Variants in MGAT5B observed in about 807,000 individuals in gnomAD.
MGAT5B encodes alpha-1,6-mannosylglycoprotein 6-beta-N-acetylglucosaminyltransferase B.
MGAT5B carries 54 observed loss-of-function variants against 95.1 expected under a neutral mutation model. That is an observed-to-expected ratio of 0.57 (90% CI 0.46 to 0.71). The LOEUF (loss-of-function observed/expected upper bound fraction) is 0.71. Among genes scored for constraint, MGAT5B ranks in the 30% least tolerant of loss-of-function variants. MGAT5B has a pLI of 0.00. For missense variants in MGAT5B, 935 were observed against 1,088.6 expected, an observed-to-expected ratio of 0.86 and a Z score of 1.99; for synonymous variants, 464 against 451.0, an observed-to-expected ratio of 1.03 and a Z score of -0.36.
chr17:76,887,120 A>G (rs537238668), intron 3 of MGAT5B, among the ~76,000 whole-genome samples: 77 of 152,268 alleles, frequency 5.1e-4, no homozygotes, highest in African/African-American at 1.6e-3. Flanking sequence ...GTAGCCCTGG[A>G]TGCTGCTGCT....
At chr17:76,941,329 C>T (rs1015428472) in intron 15 of MGAT5B, among the ~76,000 whole-genome samples, 9 of 152,224 alleles carry the variant, frequency 5.9e-5, no homozygotes, top group Non-Finnish European at 1.3e-4. Context: ...GGGTCTCCAG[C>T]GAACGTGGGT....
chr17:76,887,517 CCCTCCCTCCCTCCCTT>C (rs1327426331), intron 3 of MGAT5B, among the ~76,000 whole-genome samples: 5,108 of 77,512 alleles, frequency 0.066, 232 homozygotes, highest in African/African-American at 0.14. Flanking sequence ...CTCCCTCCCT[CCCTCCCTCCCTCCCTT>C]CCTTCCTTCC....
Position 76,948,994 on chromosome 17 carries a change from T to A in MGAT5B, c.*156T>A. On this transcript the variant is annotated 3_prime_UTR_variant, in exon 18 of 18. Transcript: ENST00000569840. ...CCGGGAAGCTGGCAGAGGAGAGCCG[T>A]GCCCGGGAATAGGAGGAGGCAGCAT... The A allele has an allele frequency of 1.1e-6, 1 of 870,934 alleles. No individual in the cohort carries two copies. Among genetic ancestry groups the A allele is most frequent in the Non-Finnish European group, 1.7e-6 (1 of 583,074 alleles). The allele number at this position is 870,934 out of a possible 1,614,324, so 54.0% of individuals were successfully genotyped here. A position where few individuals can be genotyped will look rare whatever the true frequency, so the allele number is the denominator to read the frequency against.
chr17:76,905,949 G>A lies in MGAT5B; in HGVS notation c.856-69G>A. ...CTGCTGCCGGCTGGTCTCCTGGCCG[G>A]TGCCCCGGGGGGGCGGGGCTCAGAG... On this transcript the variant is annotated intron_variant, in intron 7 of 17. Transcript: ENST00000569840. This position sits in a 1 kb window ranked among gnomAD's most constrained non-coding sequence, Gnocchi z 4.2. 2 of 1,488,794 alleles carry A rather than the reference G, an allele frequency of 1.3e-6. No homozygotes were observed. The highest frequency in any genetic ancestry group is 1.8e-6 in the Non-Finnish European group (2 of 1,120,546). 92.2% of individuals were successfully genotyped at this position (1,488,794 alleles called of 1,614,324 possible).
intron 2 of MGAT5B, among the ~76,000 whole-genome samples, chr17:76,881,765 C>G (rs1172900035): frequency 6.6e-6 from 1 of 152,202 alleles, no homozygotes; most frequent in Non-Finnish European, 1.5e-5. Context: ...GGGCTTCTTT[C>G]CCAGTGCTGG....
intron 8 of MGAT5B, among the ~76,000 whole-genome samples, chr17:76,913,316 A>T (rs979973842): frequency 1.3e-5 from 2 of 152,228 alleles, no homozygotes; most frequent in Admixed American, 1.3e-4. Flanking sequence ...AGTTCTGGAT[A>T]TGACTGGCAC....
At chr17:76,895,484 A>G (rs1968033812) in intron 3 of MGAT5B, among the ~76,000 whole-genome samples, 1 of 152,140 alleles carries the variant, frequency 6.6e-6, no homozygotes, top group African/African-American at 2.4e-5. Context: ...AACAACAGAA[A>G]TTGATCGTTT....
At chr17:76,943,627 G>GTGGGGGGT (rs147464587) in intron 15 of MGAT5B, among the ~76,000 whole-genome samples, 2 of 145,072 alleles carry the variant, frequency 1.4e-5, no homozygotes, top group African/African-American at 5.1e-5. Flanking sequence ...GTGGGGTGGG[G>GTGGGGGGT]GGGGGGTCTC....
At chr17:76,893,838 A>G (rs12150150) in intron 3 of MGAT5B, among the ~76,000 whole-genome samples, 47,429 of 151,968 alleles carry the variant, frequency 0.31, 9,098 homozygotes, top group African/African-American at 0.5. Flanking sequence ...GGGGGGTGCC[A>G]GCCTTTTGCT....
intron 3 of MGAT5B, among the ~76,000 whole-genome samples, chr17:76,900,705 T>C (rs35845390): frequency 0.1 from 15,940 of 152,280 alleles, 1,209 homozygotes; most frequent in East Asian, 0.36. Context: ...GAGAAATGGG[T>C]GTGGTTTTAA....
At chr17:76,887,473 TCCTCCCTC>T (rs1164605535) in intron 3 of MGAT5B, among the ~76,000 whole-genome samples, 5 of 19,016 alleles carry the variant, frequency 2.6e-4, no homozygotes, top group Admixed American at 1.3e-3. Context: ...CTCCCTCCCT[TCCTCCCTC>T]CCTCCCTCCC....
rs773022012 is a variant in MGAT5B, at chr17:76,930,673, G to T, written c.1292-1972G>T. 1.3e-5 allele frequency among the ~76,000 whole-genome samples: 2 copies of T among 152,202 alleles called. No individual in the cohort carries two copies. Among genetic ancestry groups the T allele is most frequent in the Non-Finnish European group, 2.9e-5 (2 of 68,040 alleles). On this transcript the variant is annotated intron_variant, in intron 10 of 17. Transcript: ENST00000569840. This position sits in a 1 kb window ranked among gnomAD's most constrained non-coding sequence, Gnocchi z 4.1. ...CCACACACGGCCATGGAATTGGAGC[G>T]TGAGATCAAACATGTTCCCTGGCCT...
rs1375781044 is a variant in MGAT5B, at chr17:76,869,686, A to T, written c.68+589A>T. 6.6e-6 allele frequency among the ~76,000 whole-genome samples: 1 copy of T among 152,196 alleles called. No individual in the cohort carries two copies. The highest frequency in any genetic ancestry group is 2.4e-5 in the African/African-American group (1 of 41,458). ...TCGCTCATCCCAGGATTCGCCCCCG[A>T]TCGCAGGCGTCGGAGAGGCGGGGGC... On this transcript the variant is annotated intron_variant, in intron 1 of 17. Transcript: ENST00000569840. The surrounding 1 kb of genome is among the most constrained non-coding windows in gnomAD (Gnocchi z 7.0).
At position 76,948,852 on chromosome 17, in the gene MGAT5B, GC is replaced by G. The variant is rs1377533700; in HGVS notation, c.*17del. Reference sequence around the variant, plus strand: ...GGCTGTCTGTGAATCCGCCTCTGCCGCCCTGCCTGGCACCCACGCTGGCTCT... The same window carrying G: ...GGCTGTCTGTGAATCCGCCTCTGCCGCCTGCCTGGCACCCACGCTGGCTCT... On this transcript the variant is annotated 3_prime_UTR_variant, in exon 18 of 18. Transcript: ENST00000569840. 1 of 1,563,888 alleles carries G rather than the reference GC, an allele frequency of 6.4e-7. No individual in the cohort carries two copies. The highest frequency in any genetic ancestry group is 1.8e-5 in the Admixed American group (1 of 54,164).
rs1431898467 is a variant in MGAT5B, at chr17:76,919,396, AG to A, written c.1026-5568del. On this transcript the variant is annotated intron_variant, in intron 8 of 17. Transcript: ENST00000569840. ...AGGCAGAGTGCTTGGCACGGGAGCC[AG>A]GAATGTGAATGGGTTGACTTAAAAA... 2.0e-5 allele frequency among the ~76,000 whole-genome samples: 3 copies of A among 152,194 alleles called. No individual in the cohort carries two copies. In the East Asian group the frequency reaches 5.8e-4, roughly 29 times the overall value.
chr17:76,875,265 G>A lies in MGAT5B; in HGVS notation c.181+2302G>A, dbSNP rs144480919. The stretch of plus-strand genomic sequence containing the variant: ...GTTCCCATAATCTCCACCTCTTGTG[G>A]GATAGACCCTGTGGGAGGTAATTGA... On this transcript the variant is annotated intron_variant, in intron 2 of 17. Transcript: ENST00000569840. Among the ~76,000 whole-genome samples the A allele has an allele frequency of 9.5e-3, 1,454 of 152,260 alleles. 19 individuals carry two copies. The highest frequency in any genetic ancestry group is 9.7e-3 in the Non-Finnish European group (658 of 68,024).
In MGAT5B at chr17:76,916,473, G is replaced by A. The variant is rs1968943225; in HGVS notation, c.1026-8493G>A. Among the ~76,000 whole-genome samples, 1 of 152,200 alleles carries A rather than the reference G, an allele frequency of 6.6e-6. No individual in the cohort carries two copies. Among genetic ancestry groups the A allele is most frequent in the African/African-American group, 2.4e-5 (1 of 41,442 alleles). On this transcript the variant is annotated intron_variant, in intron 8 of 17. Coordinates refer to ENST00000569840, the MANE Select transcript of MGAT5B (RefSeq NM_001199172.2). This position sits in a 1 kb window ranked among gnomAD's most constrained non-coding sequence, Gnocchi z 5.3. ...ATGAGAGATCCATGCACCCCAGGTG[G>A]AGTGGGGAGAACTTGGGGAGATCAG...
Position 76,939,030 on chromosome 17 carries a change from GTGTGT to G in MGAT5B, c.1584+888_1584+892del, listed in dbSNP as rs1426577111. On this transcript the variant is annotated intron_variant, in intron 13 of 17. Transcript: ENST00000569840. ...GCTTGTTTCCCAAGGCATCTTGGGG[GTGTGT>G]GTGTGTGTGTGTGTGTGTGTGTGTG... Among the ~76,000 whole-genome samples, 40 of 41,400 alleles carry G rather than the reference GTGTGT, an allele frequency of 9.7e-4. 1 individual carries two copies. Among genetic ancestry groups the G allele is most frequent in the Middle Eastern group, 0.016 (1 of 62 alleles). The allele number at this position is 41,400 out of a possible 152,430, so 27.2% of individuals were successfully genotyped here.
Position 76,912,300 on chromosome 17 carries a change from G to A in MGAT5B, c.1025+6113G>A, listed in dbSNP as rs962742660. ...GGGGGCCCTGGGCAGAGTTCCCAGCGAGCAACCGCGAGCCCTTCAGGGAGA... is the reference window on the plus strand; with the variant it reads ...GGGGGCCCTGGGCAGAGTTCCCAGCAAGCAACCGCGAGCCCTTCAGGGAGA... On this transcript the variant is annotated intron_variant, in intron 8 of 17. Coordinates refer to ENST00000569840, the MANE Select transcript of MGAT5B (RefSeq NM_001199172.2). The surrounding 1 kb of genome is among the most constrained non-coding windows in gnomAD (Gnocchi z 5.0). Among the ~76,000 whole-genome samples the A allele has an allele frequency of 4.5e-4, 69 of 152,248 alleles. No homozygotes were observed. Among genetic ancestry groups the A allele is most frequent in the African/African-American group, 1.6e-3 (68 of 41,542 alleles).
Sources: allele counts gnomAD v4.1 joint callset (sites outside exome capture counted in the v4.1 genomes callset), GRCh38; gene constraint gnomAD v4.1.1; non-coding constraint Gnocchi (gnomAD v3.1); transcripts MANE v1.5; gene names NCBI Gene and HGNC (gene_info 2026-07-23, HGNC 2026-07-21).